The following CFAP99 variants were observed in gnomAD, a reference collection of about 807,000 sequenced individuals.
CFAP99 encodes cilia- and flagella-associated protein 99.
In CFAP99, 84 loss-of-function variants were observed where a neutral mutation model predicts 82.7. That is an observed-to-expected ratio of 1.02 (90% CI 0.85 to 1.22). The LOEUF (loss-of-function observed/expected upper bound fraction) is 1.22, where lower values mean the gene tolerates loss of function less well. CFAP99 is among the 50% of genes most tolerant of loss of function. The pLI is 0.00. For synonymous variants in CFAP99, 456 were observed against 429.5 expected (o/e 1.06, Z -0.76); for missense variants, 1,059 against 983.5 (o/e 1.08, Z -1.03).
chr4:2,434,578 T>C (rs1733871993), intron 2 of CFAP99, among the ~76,000 whole-genome samples: 1 of 152,228 alleles, frequency 6.6e-6, no homozygotes, highest in African/African-American at 2.4e-5. Context: ...GAACTCATGC[T>C]GGGTCAGTCC....
chr4:2,435,128 T>C (rs1407997315), intron 2 of CFAP99, among the ~76,000 whole-genome samples: 1 of 152,080 alleles, frequency 6.6e-6, no homozygotes, highest in Non-Finnish European at 1.5e-5. Flanking sequence ...AAACCCCATC[T>C]CTACTAAATA....
At chr4:2,426,148 C>T (rs989968869) in intron 1 of CFAP99, among the ~76,000 whole-genome samples, 5 of 152,168 alleles carry the variant, frequency 3.3e-5, no homozygotes, top group Admixed American at 1.3e-4. Context: ...GAGGGGCACT[C>T]GGCCAGCTTC....
chr4:2,441,988 G>A (rs778378705), intron 4 of CFAP99, among the ~76,000 whole-genome samples: 2 of 152,182 alleles, frequency 1.3e-5, no homozygotes, highest in Non-Finnish European at 2.9e-5. Context: ...CAGGGAATCT[G>A]CCCGCTGGCA....
intron 2 of CFAP99, among the ~76,000 whole-genome samples, chr4:2,435,118 A>G (rs1733880547): frequency 6.6e-6 from 1 of 152,154 alleles, no homozygotes; most frequent in Non-Finnish European, 1.5e-5. Flanking sequence ...CAACATGGTG[A>G]AACCCCATCT....
intron 1 of CFAP99, among the ~76,000 whole-genome samples, chr4:2,424,820 G>A (rs1477386569): frequency 6.6e-6 from 1 of 152,212 alleles, no homozygotes; most frequent in Non-Finnish European, 1.5e-5. Flanking sequence ...ACGTGTTCGG[G>A]GCGTCCCTGG....
At chr4:2,449,485 C>A (rs984637049) in intron 6 of CFAP99, among the ~76,000 whole-genome samples, 185 bp from the exon 7 acceptor site, 2 of 151,942 alleles carry the variant, frequency 1.3e-5, no homozygotes, top group African/African-American at 4.8e-5. Flanking sequence ...ACCTCCTTCC[C>A]TTTACTGCCA....
chr4:2,433,993 A>G (rs953657830), intron 2 of CFAP99, among the ~76,000 whole-genome samples: 1 of 152,208 alleles, frequency 6.6e-6, no homozygotes. Context: ...TGGGTCAAAA[A>G]GAGACTTGAA....
At chr4:2,458,978 A>G (rs1734505781) in intron 12 of CFAP99, 114 bp downstream of exon 12, 1 of 1,448,304 alleles carries the variant, frequency 6.9e-7, no homozygotes, top group Non-Finnish European at 9.1e-7. Flanking sequence ...GGACCCCTTG[A>G]GGGAGGCACT....
chr4:2,425,005 G>A lies in CFAP99; in HGVS notation c.-17-1454G>A, dbSNP rs575962586. 5.3e-5 allele frequency among the ~76,000 whole-genome samples: 8 copies of A among 152,218 alleles called. No individual in the cohort carries two copies. In the South Asian group the frequency reaches 6.2e-4, roughly 12 times the overall value. On this transcript the variant is annotated intron_variant, in intron 1 of 14. Transcript: ENST00000635017. ...GGAATCGTTCCCTGATTTTCTTAGCGTTTTCCCCTACTTTCTATAGCTTCA... is the reference window on the plus strand; with the variant it reads ...GGAATCGTTCCCTGATTTTCTTAGCATTTTCCCCTACTTTCTATAGCTTCA...
At chr4:2,443,542 A>C (rs1734099065) in intron 5 of CFAP99, among the ~76,000 whole-genome samples, 1 of 152,162 alleles carries the variant, frequency 6.6e-6, no homozygotes, top group Non-Finnish European at 1.5e-5. Flanking sequence ...GGCTGAGTGA[A>C]TGGGGCAGAG....
At position 2,451,043 on chromosome 4, in the gene CFAP99, G is replaced by A. The variant is rs1256746339; in HGVS notation, c.867+25G>A. On this transcript the variant is annotated intron_variant, in intron 9 of 14. Coordinates refer to ENST00000635017, the Ensembl canonical transcript of CFAP99. ...GGTGAGGGGTGCTCCTGGATGGTCA[G>A]GCTGCTCTCCCTGGGCACCCACCCC... 9.1e-6 allele frequency: 14 copies of A among 1,530,948 alleles called. No homozygotes were observed. In the South Asian group the frequency reaches 1.4e-4, roughly 16 times the overall value. The allele number at this position is 1,530,948 out of a possible 1,614,324, so 94.8% of individuals were successfully genotyped here. A position where few individuals can be genotyped will look rare whatever the true frequency, so the allele number is the denominator to read the frequency against.
intron 4 of CFAP99, among the ~76,000 whole-genome samples, chr4:2,441,079 TATAATA>T (rs964924750): frequency 1.3e-5 from 2 of 148,638 alleles, no homozygotes; most frequent in South Asian, 2.1e-4. Flanking sequence ...ATAATAATAA[TATAATA>T]ATAATAATAA....
intron 11 of CFAP99, among the ~76,000 whole-genome samples, chr4:2,457,631 T>C (rs1471259181): frequency 6.6e-6 from 1 of 152,108 alleles, no homozygotes; most frequent in African/African-American, 2.4e-5. Context: ...CTCTGCTGCT[T>C]ACTGCCTGGA....
intron 1 of CFAP99, among the ~76,000 whole-genome samples, chr4:2,425,224 G>A (rs575560913): frequency 5.1e-4 from 77 of 152,182 alleles, no homozygotes; most frequent in Non-Finnish European, 7.9e-4. Flanking sequence ...CTTGTGCATC[G>A]TTTTCTCCTG....
chr4:2,442,896 G>A (rs868772168), intron 4 of CFAP99, among the ~76,000 whole-genome samples: 149 of 143,178 alleles, frequency 1.0e-3, no homozygotes, highest in African/African-American at 3.8e-3. Flanking sequence ...GGGGGTGCTG[G>A]GGGCCTTGGG....
intron 4 of CFAP99, among the ~76,000 whole-genome samples, chr4:2,440,851 C>T (rs1236859737): frequency 3.3e-5 from 5 of 151,966 alleles, no homozygotes; most frequent in Admixed American, 3.3e-4. Flanking sequence ...GTCTCAGACT[C>T]CCAAAGTGCT....
At chr4:2,457,127 T>C (rs1279910572) in intron 11 of CFAP99, among the ~76,000 whole-genome samples, 2 of 151,798 alleles carry the variant, frequency 1.3e-5, no homozygotes, top group African/African-American at 4.8e-5. Flanking sequence ...TAGTTTTGTA[T>C]TTTCTGTAGA....
At position 2,462,645 on chromosome 4, in the gene CFAP99, G is replaced by A. The variant is rs1347585471; in HGVS notation, c.1864G>A (p.Ala622Thr). 4 of 1,290,488 alleles carry A rather than the reference G, an allele frequency of 3.1e-6. No individual in the cohort carries two copies. Among genetic ancestry groups the A allele is most frequent in the Non-Finnish European group, 3.9e-6 (4 of 1,022,162 alleles). The allele number at this position is 1,290,488 out of a possible 1,614,324, so 79.9% of individuals were successfully genotyped here. The change falls in exon 15 of 15, where the codon GCC becomes ACC. Residue 622 changes from alanine to threonine, a missense_variant. Physicochemically the swap from Ala to Thr is moderately conservative, Grantham distance 58. Transcript: ENST00000635017. The surrounding 1 kb of genome is among the most constrained non-coding windows in gnomAD (Gnocchi z 4.1). The stretch of plus-strand genomic sequence containing the variant: ...GTGGGAGGAGCCCGGGCGACTGAAA[G>A]CCGGGGCCGGGTGGGGATGGCGGGC...
chr4:2,451,323 C>T, exon 10 of CFAP99: 3 of 1,535,936 alleles, frequency 2.0e-6, no homozygotes, highest in East Asian at 4.9e-5. Flanking sequence ...GGGCCTTGTA[C>T]CAGCGGCAGG....
Sources: allele counts gnomAD v4.1 joint callset (sites outside exome capture counted in the v4.1 genomes callset), GRCh38; gene constraint gnomAD v4.1.1; non-coding constraint Gnocchi (gnomAD v3.1); transcripts MANE v1.5; gene names NCBI Gene and HGNC (gene_info 2026-07-23, HGNC 2026-07-21).